CHAT: variants seen among roughly 807,000 people sequenced by gnomAD.
The protein encoded by CHAT is acetyl CoA:choline O-acetyltransferase.
A neutral mutation model predicts 76.9 loss-of-function variants in CHAT; 61 were observed. The observed-to-expected ratio is 0.79, with a 90% CI of 0.65 to 0.98. The LOEUF (loss-of-function observed/expected upper bound fraction) is 0.98. Ranked by LOEUF, CHAT falls within the 50% of genes least tolerant of loss-of-function variation. The pLI, the probability that CHAT is intolerant of heterozygous loss-of-function variation, is 0.00. For synonymous variants in CHAT, 407 were observed against 397.4 expected (o/e 1.02, Z -0.29); for missense variants, 946 against 986.9 (o/e 0.96, Z 0.56).
intron 4 of CHAT, among the ~76,000 whole-genome samples, chr10:49,621,434 G>T (rs4615945): frequency 6.6e-6 from 1 of 152,022 alleles, no homozygotes; most frequent in East Asian, 1.9e-4. Flanking sequence ...TGCATCTGAG[G>T]GGGTATTTTC....
chr10:49,666,189 G>A lies in CHAT; in HGVS notation c.*1143G>A, dbSNP rs1192211175. Among the ~76,000 whole-genome samples, 2 of 152,132 alleles carry A rather than the reference G, an allele frequency of 1.3e-5. No homozygotes were observed. Among genetic ancestry groups the A allele is most frequent in the African/African-American group, 4.8e-5 (2 of 41,420 alleles). ...AGGGACTTAGGGGACAGCTGGCAGG[G>A]AGCAGGGCTGGGAGGAGGGCACAGC... On this transcript the variant is annotated 3_prime_UTR_variant, in exon 15 of 15. Coordinates refer to ENST00000337653, the MANE Select transcript of CHAT (RefSeq NM_020549.5).
At chr10:49,633,711 T>C (rs545288212) in intron 7 of CHAT, among the ~76,000 whole-genome samples, 31 of 152,248 alleles carry the variant, frequency 2.0e-4, no homozygotes, top group African/African-American at 6.0e-4. Flanking sequence ...ACAGCACTTG[T>C]CAATTTGTAG....
chr10:49,662,728 G>C lies in CHAT; in HGVS notation c.1923G>C (p.Met641Ile). Residue 641 changes from methionine (M) to isoleucine (I), a missense_variant, in exon 14 of 15, where the codon ATG becomes ATC. Transcript: ENST00000337653. ...CCATGTGCAAGGAGCTGCCCGAGAT[G>C]TTCATGGATGAAACCTACCTGATGA... ...ARAMCKELPEMFMDETYLMSN... is the reference protein window; with the variant it reads ...ARAMCKELPEIFMDETYLMSN... 6.2e-7 allele frequency: 1 copy of C among 1,614,230 alleles called. No homozygotes were observed. Among genetic ancestry groups the C allele is most frequent in the Non-Finnish European group, 8.5e-7 (1 of 1,180,048 alleles).
upstream of CHAT, chr10:49,610,966 G>C: frequency 6.2e-7 from 1 of 1,611,176 alleles, no homozygotes. Context: ...CCGGACTCCC[G>C]AGGTGTGGGA....
intron 5 of CHAT, among the ~76,000 whole-genome samples, chr10:49,624,552 T>C (rs1042115275): frequency 6.6e-5 from 10 of 152,236 alleles, no homozygotes; most frequent in African/African-American, 1.9e-4. Flanking sequence ...ACTGGTTTGC[T>C]GCTTGTGGTC....
intron 10 of CHAT, 119 bp downstream of exon 10, chr10:49,649,755 G>C (rs1284706966): frequency 1.9e-6 from 2 of 1,043,490 alleles, no homozygotes; most frequent in Non-Finnish European, 3.0e-6. Flanking sequence ...CTCTCCTTGG[G>C]CTCCACCTCG....
At chr10:49,610,759 G>T (rs764724858), upstream of CHAT, 3 of 1,537,458 alleles carry the variant, frequency 2.0e-6, no homozygotes, top group Non-Finnish European at 2.6e-6. Context: ...CGCGGAACCT[G>T]CGGGCCAGGC....
chr10:49,639,556 C>T (rs1157474040), intron 7 of CHAT, among the ~76,000 whole-genome samples: 1 of 150,416 alleles, frequency 6.6e-6, no homozygotes, highest in African/African-American at 2.4e-5. Context: ...CACACACACA[C>T]ACACACACAC....
intron 7 of CHAT, among the ~76,000 whole-genome samples, chr10:49,632,725 A>G (rs1033920520): frequency 2.0e-5 from 3 of 152,022 alleles, no homozygotes; most frequent in Non-Finnish European, 4.4e-5. Context: ...CCTTCAAGAC[A>G]CTGCCCTTGA....
Position 49,614,307 on chromosome 10 carries a change from G to T in CHAT, c.118G>T (p.Gly40Cys). The change falls in exon 1 of 15, where the codon GGT becomes TGT. Residue 40 changes from glycine to cysteine, a missense_variant. Gly to Cys is a radical substitution (Grantham distance 159, BLOSUM62 -3). Coordinates refer to ENST00000337653, the MANE Select transcript of CHAT (RefSeq NM_020549.5). ...EVRPACFLQS[G>C]GRGDPGDVGG... ...GCGGCCAGCTTGCTTTCTCCAGTCG[G>T]GTGGCCGCGGGGACCCGGGCGACGT... 1 of 1,547,946 alleles carries T rather than the reference G, an allele frequency of 6.5e-7. No individual in the cohort carries two copies.
At chr10:49,638,544 T>A (rs1839369541) in intron 7 of CHAT, among the ~76,000 whole-genome samples, 3 of 152,224 alleles carry the variant, frequency 2.0e-5, no homozygotes, top group African/African-American at 4.8e-5. Flanking sequence ...CCCGAACATT[T>A]TTTAGAATTC....
chr10:49,621,218 C>T lies in CHAT; in HGVS notation c.698+605C>T, dbSNP rs74564303. ...ACCTGAGTGGGGCAAATGGTGGGGA[C>T]GGTTTAGAGGGAGGGCAGACCAAAG... On this transcript the variant is annotated intron_variant, in intron 4 of 14. Coordinates refer to ENST00000337653, the MANE Select transcript of CHAT (RefSeq NM_020549.5). Among the ~76,000 whole-genome samples, 3,409 of 152,144 alleles carry T rather than the reference C, an allele frequency of 0.022. 188 individuals carry two copies. In the East Asian group the frequency reaches 0.22, roughly 10 times the overall value.
chr10:49,621,195 C>A (rs1183670874), intron 4 of CHAT, among the ~76,000 whole-genome samples: 1 of 152,174 alleles, frequency 6.6e-6, no homozygotes, highest in Admixed American at 6.5e-5. Flanking sequence ...GTCTTAAGAC[C>A]TGAGTGGGGC....
intron 7 of CHAT, among the ~76,000 whole-genome samples, chr10:49,638,523 C>T (rs1839368927): frequency 6.6e-6 from 1 of 152,162 alleles, no homozygotes; most frequent in Non-Finnish European, 1.5e-5. Context: ...CTCTTGCCTT[C>T]GTGTGGGTTA....
intron 7 of CHAT, among the ~76,000 whole-genome samples, chr10:49,631,840 C>T (rs964031141): frequency 6.6e-6 from 1 of 151,866 alleles, no homozygotes; most frequent in Non-Finnish European, 1.5e-5. Context: ...CACATGGATG[C>T]ACATACTACC....
At chr10:49,662,094 T>C (rs907328539) in intron 13 of CHAT, among the ~76,000 whole-genome samples, 10 of 152,176 alleles carry the variant, frequency 6.6e-5, no homozygotes, top group African/African-American at 2.4e-4. Context: ...CAGCCAAGAT[T>C]CAGTAACAGA....
intron 9 of CHAT, 27 bp from the exon 10 acceptor site, chr10:49,649,481 C>G: frequency 6.2e-7 from 1 of 1,613,686 alleles, no homozygotes; most frequent in Non-Finnish European, 8.5e-7. Flanking sequence ...GCCGCAGAGC[C>G]TCAGGAGGTT....
rs1232407463 is a variant in CHAT at position 49,667,800 on chromosome 10, G to T, written c.*2754G>T. On this transcript the variant is annotated 3_prime_UTR_variant, in exon 15 of 15. Transcript: ENST00000337653. ...TCTAGATTTATGGCAATATAAACGT[G>T]TATAGCCTTTTGATTTTAATTTCTA... Among the ~76,000 whole-genome samples the T allele has an allele frequency of 6.6e-6, 1 of 152,206 alleles. No homozygotes were observed. The highest frequency in any genetic ancestry group is 2.1e-4 in the South Asian group (1 of 4,834).
chr10:49,623,024 C>T (rs1838785678), intron 5 of CHAT, among the ~76,000 whole-genome samples: 1 of 152,166 alleles, frequency 6.6e-6, no homozygotes, highest in Admixed American at 6.5e-5. Flanking sequence ...CAGGGTGGAG[C>T]AGTTCAGGCT....
Sources: allele counts gnomAD v4.1 joint callset (sites outside exome capture counted in the v4.1 genomes callset), GRCh38; gene constraint gnomAD v4.1.1; transcripts MANE v1.5; gene names NCBI Gene and HGNC (gene_info 2026-07-23, HGNC 2026-07-21).